The following TMCO4 variants were observed in gnomAD, a reference collection of about 807,000 sequenced individuals.
TMCO4 encodes transmembrane and coiled-coil domains 4.
Under a neutral mutation model 64.7 loss-of-function variants are expected in TMCO4, and 58 were observed. The ratio of observed to expected loss-of-function variants is 0.90; its 90% CI spans 0.73 to 1.12. TMCO4 has a LOEUF of 1.12. TMCO4 is among the 50% of genes most tolerant of loss of function. TMCO4 has a pLI of 0.00. For synonymous variants in TMCO4, 325 were observed against 346.1 expected (o/e 0.94, Z 0.68); for missense variants, 780 against 825.9 (o/e 0.94, Z 0.68).
chr1:19,687,410 A>G (rs12354118), intron 15 of TMCO4, among the ~76,000 whole-genome samples: 170 of 152,346 alleles, frequency 1.1e-3, no homozygotes, highest in African/African-American at 4.0e-3. Context: ...AAGAGACATC[A>G]TGCAATTTGA....
At chr1:19,761,946 T>C (rs2042524187) in intron 6 of TMCO4, among the ~76,000 whole-genome samples, 1 of 152,230 alleles carries the variant, frequency 6.6e-6, no homozygotes, top group Non-Finnish European at 1.5e-5. Context: ...GCAGGCATCA[T>C]GGCAGGAGCT....
At chr1:19,773,670 C>G (rs1413834666) in intron 4 of TMCO4, among the ~76,000 whole-genome samples, 1 of 152,166 alleles carries the variant, frequency 6.6e-6, no homozygotes, top group African/African-American at 2.4e-5. Flanking sequence ...AATGGCCTCT[C>G]TGTGCCTCAG....
chr1:19,687,790 T>C (rs1188042291), intron 15 of TMCO4, among the ~76,000 whole-genome samples: 1 of 152,204 alleles, frequency 6.6e-6, no homozygotes, highest in Admixed American at 6.5e-5. Context: ...ACCCACTGGC[T>C]GCAGCTGATA....
chr1:19,753,009 G>T (rs1306228568), intron 7 of TMCO4, among the ~76,000 whole-genome samples: 1 of 151,794 alleles, frequency 6.6e-6, no homozygotes, highest in African/African-American at 2.4e-5. Context: ...GCCCAGGCTG[G>T]AGTGCAATGG....
chr1:19,741,049 C>A, intron 10 of TMCO4, 108 bp from the exon 11 acceptor site: 1 of 1,198,888 alleles, frequency 8.3e-7, no homozygotes, highest in East Asian at 2.6e-5. Context: ...GTGTGGAAGA[C>A]AAGAGGCCCA....
In TMCO4 at chr1:19,732,038, G is replaced by A. The variant is rs529501345; in HGVS notation, c.1264+5334C>T. On this transcript the variant is annotated intron_variant, in intron 13 of 15. Coordinates refer to ENST00000294543, the MANE Select transcript of TMCO4 (RefSeq NM_181719.7). The surrounding 1 kb of genome is among the most constrained non-coding windows in gnomAD (Gnocchi z 4.8). ...TGTGAAGGCCGGCATGGACAGCGGG[G>A]GTTTTAAACTGAGCGGGGCCTGTGC... is the stretch of plus-strand genomic sequence containing the variant. Among the ~76,000 whole-genome samples the A allele has an allele frequency of 1.5e-3, 229 of 152,298 alleles. No homozygotes were observed. Among genetic ancestry groups the A allele is most frequent in the Non-Finnish European group, 2.7e-3 (184 of 68,024 alleles).
chr1:19,786,536 G>A (rs1330418332), intron 3 of TMCO4, among the ~76,000 whole-genome samples: 1 of 152,224 alleles, frequency 6.6e-6, no homozygotes, highest in Non-Finnish European at 1.5e-5. Flanking sequence ...TGTTTGGTGC[G>A]GCCAGGGCTT....
At chr1:19,766,212 G>A (rs951040837) in intron 6 of TMCO4, among the ~76,000 whole-genome samples, 55 of 152,146 alleles carry the variant, frequency 3.6e-4, no homozygotes, top group African/African-American at 1.3e-3. Flanking sequence ...GCGTCCATCC[G>A]TGTTGCACTT....
chr1:19,793,677 G>A (rs1483152206), intron 2 of TMCO4, among the ~76,000 whole-genome samples: 1 of 152,162 alleles, frequency 6.6e-6, no homozygotes, highest in Non-Finnish European at 1.5e-5. Context: ...CAGAGATGCT[G>A]GCATGGAAGG....
intron 15 of TMCO4, among the ~76,000 whole-genome samples, chr1:19,692,426 T>A (rs1439742683): frequency 6.6e-6 from 1 of 152,084 alleles, no homozygotes; most frequent in Non-Finnish European, 1.5e-5. Flanking sequence ...GGGACAGTAA[T>A]GTCTGTAAAA....
intron 14 of TMCO4, among the ~76,000 whole-genome samples, chr1:19,695,570 A>T (rs4244007): frequency 7.4e-4 from 113 of 152,260 alleles, no homozygotes; most frequent in African/African-American, 2.6e-3. Flanking sequence ...CTGTAGAGGG[A>T]TAAGAATGGC....
intron 4 of TMCO4, among the ~76,000 whole-genome samples, chr1:19,774,034 T>C (rs2043101362): frequency 6.6e-6 from 1 of 152,194 alleles, no homozygotes; most frequent in Admixed American, 6.5e-5. Context: ...GCAGGTTAAA[T>C]GGCATGGTAA....
intron 13 of TMCO4, among the ~76,000 whole-genome samples, chr1:19,720,656 G>A (rs574773029): frequency 4.0e-5 from 6 of 151,146 alleles, no homozygotes; most frequent in South Asian, 2.1e-4. Flanking sequence ...AAATAAATAC[G>A]TGTCTAAGAA....
intron 13 of TMCO4, among the ~76,000 whole-genome samples, chr1:19,724,568 A>G (rs1354048303): frequency 6.6e-6 from 1 of 152,220 alleles, no homozygotes; most frequent in Admixed American, 6.5e-5. Context: ...CACTTGGCAT[A>G]TAGTAGGTGT....
chr1:19,711,885 G>A (rs967450958), intron 13 of TMCO4, among the ~76,000 whole-genome samples: 1 of 152,144 alleles, frequency 6.6e-6, no homozygotes, highest in Non-Finnish European at 1.5e-5. Flanking sequence ...TCGAACTTCC[G>A]ACCTCAGGTG....
chr1:19,785,797 G>T (rs2043710442), intron 3 of TMCO4, among the ~76,000 whole-genome samples: 1 of 152,214 alleles, frequency 6.6e-6, no homozygotes, highest in African/African-American at 2.4e-5. Flanking sequence ...TGGTCAGGGG[G>T]AGGAACAGTG....
At chr1:19,752,771 C>A (rs1039107611) in intron 7 of TMCO4, among the ~76,000 whole-genome samples, 1 of 151,916 alleles carries the variant, frequency 6.6e-6, no homozygotes, top group African/African-American at 2.4e-5. Flanking sequence ...TGCTGGCCAG[C>A]CATGCGACCT....
chr1:19,777,557 C>T (rs1557609440), intron 4 of TMCO4, among the ~76,000 whole-genome samples: 1 of 152,100 alleles, frequency 6.6e-6, no homozygotes, highest in African/African-American at 2.4e-5. Context: ...CCATGTTGGC[C>T]AGGCTGGTCT....
intron 2 of TMCO4, among the ~76,000 whole-genome samples, chr1:19,797,449 G>A (rs138208074): frequency 7.2e-5 from 11 of 152,246 alleles, no homozygotes; most frequent in Non-Finnish European, 1.2e-4. Context: ...AGGAGGGAGG[G>A]GTGGCATGCC....
Sources: allele counts gnomAD v4.1 joint callset (sites outside exome capture counted in the v4.1 genomes callset), GRCh38; gene constraint gnomAD v4.1.1; non-coding constraint Gnocchi (gnomAD v3.1); transcripts MANE v1.5; gene names NCBI Gene and HGNC (gene_info 2026-07-23, HGNC 2026-07-21).